The following ANOS1 variants were observed in gnomAD, a reference collection of about 807,000 sequenced individuals.
The protein encoded by ANOS1 is anosmin-1.
Under a neutral mutation model 59.0 loss-of-function variants are expected in ANOS1, and 6 were observed. The observed-to-expected ratio is 0.10, with a 90% CI of 0.06 to 0.20. ANOS1 has a LOEUF of 0.20. Among genes scored for constraint, ANOS1 ranks in the 10% least tolerant of loss-of-function variants. ANOS1 has a pLI of 1.00. For missense variants in ANOS1, 433 were observed against 542.3 expected, an observed-to-expected ratio of 0.80 and a Z score of 2.00; for synonymous variants, 217 against 223.4, an observed-to-expected ratio of 0.97 and a Z score of 0.25.
chrX:8,544,923 A>G (rs927671105), intron 9 of ANOS1, among the ~76,000 whole-genome samples: 3 of 107,345 alleles, frequency 2.8e-5, no homozygotes, highest in African/African-American at 1.0e-4. Context: ...AAAATTAGCC[A>G]AGCGTGGTGG....
At chrX:8,547,418 T>C (rs1929786243) in intron 9 of ANOS1, among the ~76,000 whole-genome samples, 1 of 112,033 alleles carries the variant, frequency 8.9e-6, no homozygotes, top group South Asian at 3.7e-4. Context: ...GCCTTTAAAA[T>C]GTACCTTAAA....
intron 2 of ANOS1, among the ~76,000 whole-genome samples, chrX:8,668,394 CATATATATAT>C (rs202229567): frequency 4.5e-4 from 23 of 51,566 alleles, no homozygotes; most frequent in Admixed American, 1.8e-3. Context: ...AGTATTCCAT[CATATATATAT>C]ATATATATAT....
chrX:8,583,503 T>C (rs917629497), intron 6 of ANOS1, among the ~76,000 whole-genome samples: 3 of 112,169 alleles, frequency 2.7e-5, no homozygotes, highest in African/African-American at 9.7e-5. Flanking sequence ...TGGAAGGATG[T>C]TGTCCCACCT....
chrX:8,679,163 C>G (rs1932381964), intron 2 of ANOS1, among the ~76,000 whole-genome samples: 1 of 111,439 alleles, frequency 9.0e-6, no homozygotes, highest in Non-Finnish European at 1.9e-5. Flanking sequence ...TGTAGTTATC[C>G]AACTCAAGAG....
chrX:8,539,288 T>C (rs1929643953), intron 10 of ANOS1, among the ~76,000 whole-genome samples: 2 of 110,866 alleles, frequency 1.8e-5, no homozygotes, highest in South Asian at 7.8e-4. Context: ...AATCCACTTG[T>C]ACCATTACAC....
At chrX:8,607,643 C>A (rs770442539) in intron 3 of ANOS1, among the ~76,000 whole-genome samples, 1 of 111,478 alleles carries the variant, frequency 9.0e-6, no homozygotes, top group South Asian at 3.8e-4. Context: ...TCAGGTACCA[C>A]ATTTAAACTA....
intron 4 of ANOS1, among the ~76,000 whole-genome samples, chrX:8,594,539 C>A (rs1382510956): frequency 9.9e-6 from 1 of 100,870 alleles, no homozygotes; most frequent in African/African-American, 3.6e-5. Flanking sequence ...TATTTGCCCT[C>A]CTTTTACACA....
chrX:8,671,518 C>A (rs1198433940), intron 2 of ANOS1, among the ~76,000 whole-genome samples: 1 of 109,608 alleles, frequency 9.1e-6, no homozygotes, highest in African/African-American at 3.3e-5. Context: ...TAGTACCTTG[C>A]AATCTTTTGT....
intron 3 of ANOS1, among the ~76,000 whole-genome samples, chrX:8,621,274 G>A (rs1365742133): frequency 9.1e-6 from 1 of 109,317 alleles, no homozygotes; most frequent in Non-Finnish European, 1.9e-5. Context: ...GCTGAGGCAC[G>A]AGAATCACTT....
chrX:8,572,492 C>A (rs184045943), intron 6 of ANOS1, among the ~76,000 whole-genome samples: 7 of 112,271 alleles, frequency 6.2e-5, no homozygotes, highest in Non-Finnish European at 1.1e-4. Flanking sequence ...GCATAGTATT[C>A]CATGGTGGAT....
intron 2 of ANOS1, among the ~76,000 whole-genome samples, chrX:8,681,928 C>T (rs1217014054): frequency 1.8e-5 from 2 of 111,163 alleles, no homozygotes; most frequent in Non-Finnish European, 3.8e-5. Context: ...TCAAATTACT[C>T]CTAATGTAAG....
At chrX:8,582,018 G>A (rs112444254) in intron 6 of ANOS1, among the ~76,000 whole-genome samples, 13,722 of 111,107 alleles carry the variant, frequency 0.12, 818 homozygotes, top group African/African-American at 0.22. Flanking sequence ...GGATTTGTTG[G>A]GCAGCTACTA....
intron 3 of ANOS1, among the ~76,000 whole-genome samples, chrX:8,597,715 AG>A (rs1930769591): frequency 1.2e-5 from 1 of 80,042 alleles, no homozygotes; most frequent in Admixed American, 1.9e-4. Flanking sequence ...TTGTCACCCC[AG>A]GCTGGAGTGC....
At chrX:8,726,095 A>G (rs1932917992) in intron 1 of ANOS1, among the ~76,000 whole-genome samples, 2 of 110,804 alleles carry the variant, frequency 1.8e-5, no homozygotes, top group South Asian at 7.8e-4. Context: ...AAAGGGACAC[A>G]TCGTAGGCTG....
intron 3 of ANOS1, among the ~76,000 whole-genome samples, chrX:8,598,529 TCTC>T (rs2146828220): frequency 9.0e-6 from 1 of 111,290 alleles, no homozygotes; most frequent in East Asian, 2.8e-4. Flanking sequence ...GTGCTCTTGC[TCTC>T]CTTTTTCCTA....
intron 1 of ANOS1, among the ~76,000 whole-genome samples, chrX:8,728,502 C>T (rs1025642551): frequency 9.0e-6 from 1 of 111,674 alleles, no homozygotes; most frequent in Non-Finnish European, 1.9e-5. Context: ...CCATTCGCGA[C>T]GCTACAGAGC....
intron 13 of ANOS1, 139 bp from the exon 14 acceptor site, chrX:8,533,192 G>A: frequency 2.1e-6 from 1 of 485,159 alleles, no homozygotes. Context: ...TTCTGAATCT[G>A]AATGTACAAC....
At position 8,536,874 on chromosome X, in the gene ANOS1, C is replaced by T; in HGVS notation, c.1518G>A (p.Arg506=). The T allele has an allele frequency of 8.3e-7, 1 of 1,207,029 alleles. No individual in the cohort carries two copies. The highest frequency in any genetic ancestry group is 1.8e-5 in the South Asian group (1 of 56,720). Residue 506 remains arginine (R), a synonymous_variant, in exon 11 of 14, where the codon CGG becomes CGA. Coordinates refer to ENST00000262648, the MANE Select transcript of ANOS1 (RefSeq NM_000216.4). ...CKYKVTVQPI[R]PKSHSKAEAV... is the part of the protein sequence containing the mutation. ...CTTCTGCCTTGGAGTGACTTTTTGG[C>T]CGTATTGGTTGGACAGTCACCTTAT...
chrX:8,697,003 T>C (rs1035290123), intron 2 of ANOS1, among the ~76,000 whole-genome samples: 1 of 112,290 alleles, frequency 8.9e-6, no homozygotes, highest in Non-Finnish European at 1.9e-5. Flanking sequence ...CGAAGTCAGA[T>C]GAAGCACAGA....
Sources: allele counts gnomAD v4.1 joint callset (sites outside exome capture counted in the v4.1 genomes callset), GRCh38; gene constraint gnomAD v4.1.1; transcripts MANE v1.5; gene names NCBI Gene and HGNC (gene_info 2026-07-23, HGNC 2026-07-21).